Variants in CRIM1 observed in about 807,000 individuals in gnomAD.
The protein encoded by CRIM1 is cysteine-rich motor neuron 1 protein.
CRIM1 carries 32 observed loss-of-function variants against 116.4 expected under a neutral mutation model. The ratio of observed to expected loss-of-function variants is 0.27; its 90% CI spans 0.21 to 0.37. The LOEUF is 0.37. Among genes scored for constraint, CRIM1 ranks in the 10% least tolerant of loss-of-function variants. The pLI, the probability that CRIM1 is intolerant of heterozygous loss-of-function variation, is 1.00. For missense variants in CRIM1, 1,331 were observed against 1,354.8 expected (o/e 0.98, Z 0.28); for synonymous variants, 590 against 509.2 (o/e 1.16, Z -2.13).
intron 2 of CRIM1, among the ~76,000 whole-genome samples, chr2:36,422,339 A>G (rs1300700360): frequency 6.6e-6 from 1 of 152,092 alleles, no homozygotes; most frequent in Non-Finnish European, 1.5e-5. Context: ...ATATGTGGGG[A>G]TATACCTGTA....
chr2:36,465,763 G>A (rs1360200352), intron 5 of CRIM1, among the ~76,000 whole-genome samples: 2 of 152,180 alleles, frequency 1.3e-5, no homozygotes, highest in Non-Finnish European at 2.9e-5. Context: ...CTTTGAGGAA[G>A]CTTCTTGGTT....
rs146566229 is a variant in CRIM1, at chr2:36,395,579, C to T, written c.332-1035C>T. Among the ~76,000 whole-genome samples the T allele has an allele frequency of 4.1e-3, 622 of 152,244 alleles. 3 individuals are homozygous for T. Among genetic ancestry groups the T allele is most frequent in the African/African-American group, 0.014 (594 of 41,548 alleles). On this transcript the variant is annotated intron_variant, in intron 1 of 16. Transcript: ENST00000280527. ...TGAAGAATTGAGCCTGCATATGATTCTGTCATATTCATTGCATTTTTTGGA... is the reference window on the plus strand; with the variant it reads ...TGAAGAATTGAGCCTGCATATGATTTTGTCATATTCATTGCATTTTTTGGA...
chr2:36,489,592 G>A (rs1680079273), intron 7 of CRIM1, among the ~76,000 whole-genome samples: 1 of 152,130 alleles, frequency 6.6e-6, no homozygotes, highest in East Asian at 1.9e-4. Context: ...TGAAAGTACT[G>A]GTTGAATTTT....
At chr2:36,386,688 T>C (rs1352866032) in intron 1 of CRIM1, among the ~76,000 whole-genome samples, 2 of 152,228 alleles carry the variant, frequency 1.3e-5, no homozygotes, top group Non-Finnish European at 2.9e-5. Flanking sequence ...AGATCGTTAG[T>C]TTCAAAGAAC....
At chr2:36,406,643 C>CA (rs1429315777) in intron 2 of CRIM1, among the ~76,000 whole-genome samples, 1,200 of 81,564 alleles carry the variant, frequency 0.015, 23 homozygotes, top group African/African-American at 0.061. Flanking sequence ...CAAAAAAAAA[C>CA]AAAAAAAGAT....
chr2:36,458,303 G>T (rs910853761), intron 4 of CRIM1, among the ~76,000 whole-genome samples: 21 of 152,190 alleles, frequency 1.4e-4, no homozygotes, highest in African/African-American at 4.8e-4. Flanking sequence ...GACGGGGCGA[G>T]GCAGAGGTTG....
intron 1 of CRIM1, among the ~76,000 whole-genome samples, chr2:36,387,736 T>C (rs1036293212): frequency 6.6e-6 from 1 of 152,196 alleles, no homozygotes; most frequent in African/African-American, 2.4e-5. Flanking sequence ...ATTGAAAAAA[T>C]AGACATCAGA....
chr2:36,383,859 CATGCATAGT>C (rs1196171199), intron 1 of CRIM1, among the ~76,000 whole-genome samples: 1 of 152,144 alleles, frequency 6.6e-6, no homozygotes, highest in Non-Finnish European at 1.5e-5. Context: ...TTGGAGTGAA[CATGCATAGT>C]ATACTCAGGG....
intron 8 of CRIM1, 160 bp downstream of exon 8, chr2:36,499,507 T>G: frequency 1.5e-6 from 1 of 663,178 alleles, no homozygotes. Context: ...AAATACATAG[T>G]CATTTGGGAG....
At chr2:36,492,215 G>C (rs1313513442) in intron 7 of CRIM1, among the ~76,000 whole-genome samples, 1 of 152,068 alleles carries the variant, frequency 6.6e-6, no homozygotes, top group Non-Finnish European at 1.5e-5. Context: ...TACAAATCTT[G>C]GGAACATTTG....
chr2:36,468,943 T>C (rs1410611770), intron 5 of CRIM1, among the ~76,000 whole-genome samples: 2 of 152,262 alleles, frequency 1.3e-5, no homozygotes, highest in Non-Finnish European at 2.9e-5. Flanking sequence ...TGACTCTGTC[T>C]GTATGACCTA....
intron 4 of CRIM1, among the ~76,000 whole-genome samples, chr2:36,448,644 T>TTATTAAGATGAATGAGCTTACCA (rs3836080): frequency 3.3e-5 from 5 of 151,910 alleles, no homozygotes; most frequent in African/African-American, 1.2e-4. Context: ...TTGTACCTTT[T>TTATTAAGATGAATGAGCTTACCA]TATTATTGAC....
At chr2:36,548,416 G>C (rs747702246) in intron 16 of CRIM1, 109 bp from the exon 17 acceptor site, 840 of 741,812 alleles carry the variant, frequency 1.1e-3, no homozygotes, top group Non-Finnish European at 1.6e-3. Context: ...ATCAATCAAT[G>C]AATTGTGAAA....
chr2:36,499,220 A>G lies in CRIM1; in HGVS notation c.1374A>G (p.Glu458=). The G allele has an allele frequency of 1.2e-6, 2 of 1,608,860 alleles. No homozygotes were observed. Among genetic ancestry groups the G allele is most frequent in the Middle Eastern group, 1.7e-4 (1 of 6,046 alleles). Residue 458 remains glutamate, a splice_region_variant and synonymous_variant, in exon 8 of 17, where the codon GAA becomes GAG. Transcript: ENST00000280527. ...VPGECCPVCE[E]PTIITVDPPA... is the part of the protein sequence containing the mutation. ...ATTTTTTTCTCTATTTATTATTAGAACCAACCATCATCACAGTTGATCCAC... is the reference window on the plus strand; with the variant it reads ...ATTTTTTTCTCTATTTATTATTAGAGCCAACCATCATCACAGTTGATCCAC...
chr2:36,416,337 C>T (rs1673619069), intron 2 of CRIM1, among the ~76,000 whole-genome samples: 1 of 152,092 alleles, frequency 6.6e-6, no homozygotes, highest in African/African-American at 2.4e-5. Context: ...AGATAACTTT[C>T]ATGATATGCT....
rs1019966949 is a variant in CRIM1 at position 36,356,730 on chromosome 2, C to G, written c.331+107C>G. The G allele has an allele frequency of 1.7e-6, 2 of 1,161,156 alleles. No individual in the cohort carries two copies. Among genetic ancestry groups the G allele is most frequent in the African/African-American group, 1.6e-5 (1 of 64,416 alleles). 71.9% of individuals were successfully genotyped at this position (1,161,156 alleles called of 1,614,324 possible). On this transcript the variant is annotated intron_variant, in intron 1 of 16. Transcript: ENST00000280527. The surrounding 1 kb of genome is among the most constrained non-coding windows in gnomAD (Gnocchi z 4.3). ...GAGACTTTCTGGAGGAAAGAGGGCT[C>G]TGCGGGAAGAGGGGCGGCCGCCGCC...
chr2:36,521,858 C>T (rs972242629), intron 12 of CRIM1, among the ~76,000 whole-genome samples: 4 of 152,164 alleles, frequency 2.6e-5, no homozygotes, highest in Non-Finnish European at 4.4e-5. Flanking sequence ...GAAGAAAGAG[C>T]GGATGTTATA....
intron 2 of CRIM1, among the ~76,000 whole-genome samples, chr2:36,438,736 G>A (rs1397240551): frequency 2.6e-5 from 4 of 152,190 alleles, no homozygotes; most frequent in Admixed American, 1.3e-4. Flanking sequence ...GGAAGGAGCT[G>A]TGCCCAGAGA....
intron 4 of CRIM1, among the ~76,000 whole-genome samples, chr2:36,452,165 A>G (rs1676783683): frequency 6.6e-6 from 1 of 151,818 alleles, no homozygotes; most frequent in South Asian, 2.1e-4. Context: ...TCCATAATTC[A>G]GTTCATTTTT....
Sources: gnomAD v4.1 joint callset for allele counts (sites outside exome capture counted in the v4.1 genomes callset) on GRCh38, gnomAD v4.1.1 for gene constraint, Gnocchi (gnomAD v3.1) non-coding constraint, MANE v1.5 for transcripts, NCBI Gene and HGNC (gene_info 2026-07-23, HGNC 2026-07-21) for gene names.